Variants in GEM observed in about 807,000 individuals in gnomAD.
GEM encodes the protein GTP binding protein overexpressed in skeletal muscle.
Under a neutral mutation model 33.0 loss-of-function variants are expected in GEM, and 31 were observed. The ratio of observed to expected loss-of-function variants is 0.94; its 90% CI spans 0.71 to 1.27. The LOEUF (loss-of-function observed/expected upper bound fraction) is 1.27, where lower values mean the gene tolerates loss of function less well. Among genes scored for constraint, GEM ranks in the 50% most tolerant of loss-of-function variants. The probability of loss-of-function intolerance (pLI) is 0.00; values close to 1 mark genes in which losing one functional copy is unlikely to be tolerated. For synonymous variants in GEM, 141 were observed against 143.7 expected (o/e 0.98, Z 0.13); for missense variants, 354 against 390.5 (o/e 0.91, Z 0.79).
At chr8:94,253,173 G>T in intron 2 of GEM, 61 bp from the exon 3 acceptor site, 1 of 854,486 alleles carries the variant, frequency 1.2e-6, no homozygotes, top group Non-Finnish European at 2.0e-6. Flanking sequence ...CTCCATAAGA[G>T]GGTCAGGTAG....
At chr8:94,260,131 C>A in intron 2 of GEM, 42 bp downstream of exon 2, 2 of 1,326,546 alleles carry the variant, frequency 1.5e-6, no homozygotes, top group Non-Finnish European at 2.1e-6. Flanking sequence ...CTTCCTGGGC[C>A]ACCCCTGGTG....
intron 2 of GEM, among the ~76,000 whole-genome samples, chr8:94,254,431 G>T (rs1230238854): frequency 6.6e-6 from 1 of 152,104 alleles, no homozygotes; most frequent in East Asian, 1.9e-4. Flanking sequence ...CGCAACTTAG[G>T]CTCTCTGAGC....
chr8:94,255,656 G>A (rs1808875661), intron 2 of GEM, among the ~76,000 whole-genome samples: 1 of 152,198 alleles, frequency 6.6e-6, no homozygotes. Context: ...AGAAGGGAAG[G>A]AAAAGAATAC....
chr8:94,251,702 C>T (rs1421155691), intron 4 of GEM, among the ~76,000 whole-genome samples: 1 of 152,154 alleles, frequency 6.6e-6, no homozygotes, highest in African/African-American at 2.4e-5. Context: ...TCTCACAGTT[C>T]CCCTAAATCA....
At chr8:94,258,146 A>C (rs1220672794) in intron 2 of GEM, among the ~76,000 whole-genome samples, 1 of 151,946 alleles carries the variant, frequency 6.6e-6, no homozygotes, top group Non-Finnish European at 1.5e-5. Flanking sequence ...ACCTTTCCAA[A>C]TTCCAGGTAT....
chr8:94,260,570 C>A, intron 1 of GEM, 58 bp from the exon 2 acceptor site: 1 of 906,320 alleles, frequency 1.1e-6, no homozygotes, highest in South Asian at 1.6e-5. Context: ...GAGCTCCGCT[C>A]AAATACATGG....
At position 94,250,523 on chromosome 8, in the gene GEM, G is replaced by A. The variant is rs1400541451; in HGVS notation, c.678C>T (p.His226=). 1 of 1,614,166 alleles carries A rather than the reference G, an allele frequency of 6.2e-7. No individual in the cohort carries two copies. Among genetic ancestry groups the A allele is most frequent in the Non-Finnish European group, 8.5e-7 (1 of 1,179,974 alleles). Residue 226 remains histidine, a synonymous_variant, in exon 5 of 5, where the codon CAC becomes CAT. Transcript: ENST00000297596. The part of the protein sequence containing the change: ...KFIETSAAVQ[H]NVKELFEGIV... ...TGCCCTCAAACAGCTCCTTCACGTT[G>A]TGCTGGACAGCTGCAGAGGTCTCGA... is the stretch of plus-strand genomic sequence containing the variant.
rs764080201 is a variant in GEM at position 94,250,443 on chromosome 8, A to G, written c.758T>C (p.Leu253Pro). ...GCTCTCCTTCCTTTTCTGGTAGGCC[A>G]GCCGCCGTTCATTCTTCTCCTTGCT... ...RDSKEKNERR[L>P]AYQKRKESMP... is the part of the protein sequence containing the mutation. Residue 253 changes from leucine (L) to proline (P), a missense_variant, in exon 5 of 5, where the codon CTG (leucine) becomes CCG (proline). Transcript: ENST00000297596. 1.2e-6 allele frequency: 2 copies of G among 1,614,236 alleles called. No homozygotes were observed. Among genetic ancestry groups the G allele is most frequent in the Non-Finnish European group, 1.7e-6 (2 of 1,180,040 alleles).
intron 2 of GEM, among the ~76,000 whole-genome samples, chr8:94,254,400 C>T (rs1427949968): frequency 6.6e-6 from 1 of 152,150 alleles, no homozygotes; most frequent in Non-Finnish European, 1.5e-5. Context: ...GGTGCCATCC[C>T]TTATGAACTC....
At chr8:94,250,665 C>T (rs1808750123) in intron 4 of GEM, 78 bp from the exon 5 acceptor site, 3 of 1,205,654 alleles carry the variant, frequency 2.5e-6, no homozygotes, top group Middle Eastern at 2.2e-4. Context: ...GATGGTTCTT[C>T]GAGGTAACAC....
chr8:94,252,411 A>G (rs1808797024), intron 3 of GEM, among the ~76,000 whole-genome samples, 188 bp from the exon 4 acceptor site: 1 of 152,218 alleles, frequency 6.6e-6, no homozygotes, highest in African/African-American at 2.4e-5. Context: ...TGGTGGCTGT[A>G]AAGATTGCTA....
At chr8:94,257,760 G>T (rs186592358) in intron 2 of GEM, among the ~76,000 whole-genome samples, 216 of 152,092 alleles carry the variant, frequency 1.4e-3, no homozygotes, top group African/African-American at 4.6e-3. Context: ...TATACAGAGA[G>T]TCATAAGATT....
chr8:94,258,327 G>A (rs534407217), intron 2 of GEM, among the ~76,000 whole-genome samples: 43 of 152,080 alleles, frequency 2.8e-4, no homozygotes, highest in African/African-American at 1.0e-3. Context: ...TTATGTCAAC[G>A]CCCAAAGCAC....
At chr8:94,261,341 T>C (rs1563608970) in intron 1 of GEM, among the ~76,000 whole-genome samples, 1 of 152,142 alleles carries the variant, frequency 6.6e-6, no homozygotes, top group Non-Finnish European at 1.5e-5. Context: ...AAGAGTTCTT[T>C]AATTCAACTC....
At chr8:94,251,934 G>C in intron 4 of GEM, 85 bp downstream of exon 4, 1 of 1,035,484 alleles carries the variant, frequency 9.7e-7, no homozygotes, top group Admixed American at 1.7e-5. Context: ...ATCCAGCCTC[G>C]TGGAAGGAGG....
intron 1 of GEM, 113 bp from the exon 2 acceptor site, chr8:94,260,625 T>A: frequency 1.6e-6 from 1 of 643,042 alleles, no homozygotes; most frequent in Non-Finnish European, 2.7e-6. Flanking sequence ...GAAGCAAGTA[T>A]CCCTAACATA....
chr8:94,261,744 C>T (rs1430804247), intron 1 of GEM, among the ~76,000 whole-genome samples: 2 of 152,158 alleles, frequency 1.3e-5, no homozygotes. Flanking sequence ...CCTTTGCAGA[C>T]TGCCTCCCCT....
At position 94,260,504 on chromosome 8, in the gene GEM, C is replaced by A. The variant is rs1260850801; in HGVS notation, c.-1G>T. Reference sequence around the variant, plus strand: ...GCATGGTGACATTATTCAGAGTCATCGTTGAGTCCTGGGGAGCAAAGCAGC... The same window carrying A: ...GCATGGTGACATTATTCAGAGTCATAGTTGAGTCCTGGGGAGCAAAGCAGC... On this transcript the variant is annotated 5_prime_UTR_variant, in exon 2 of 5. Transcript: ENST00000297596. 1 of 1,587,396 alleles carries A rather than the reference C, an allele frequency of 6.3e-7. No individual in the cohort carries two copies. Among genetic ancestry groups the A allele is most frequent in the African/African-American group, 1.3e-5 (1 of 74,696 alleles).
chr8:94,260,657 C>T, intron 1 of GEM, 145 bp from the exon 2 acceptor site: 3 of 592,752 alleles, frequency 5.1e-6, no homozygotes, highest in Admixed American at 3.0e-5. Context: ...TTAAACAGTC[C>T]CCCAAACCCC....
Sources: allele counts gnomAD v4.1 joint callset (sites outside exome capture counted in the v4.1 genomes callset), GRCh38; gene constraint gnomAD v4.1.1; transcripts MANE v1.5; gene names NCBI Gene and HGNC (gene_info 2026-07-23, HGNC 2026-07-21).